The following ERC2 variants were observed in gnomAD, a reference collection of about 807,000 sequenced individuals.
ERC2 encodes ELKS/RAB6-interacting/CAST family member 2, also known as ERC protein 2.
ERC2 carries 42 observed loss-of-function variants against 114.8 expected under a neutral mutation model. That is an observed-to-expected ratio of 0.37 (90% CI 0.29 to 0.47). ERC2 has a LOEUF of 0.47. Among genes scored for constraint, ERC2 ranks in the 20% least tolerant of loss-of-function variants. The pLI, the probability that ERC2 is intolerant of heterozygous loss-of-function variation, is 0.99. For synonymous variants in ERC2, 454 were observed against 425.5 expected, an observed-to-expected ratio of 1.07 and a Z score of -0.82; for missense variants, 939 against 1,150.7, an observed-to-expected ratio of 0.82 and a Z score of 2.66.
rs115539974 is a variant in ERC2 at position 55,648,566 on chromosome 3, C to A, written c.*39+35228G>T. On this transcript the variant is annotated intron_variant, in intron 17 of 17. Coordinates refer to ENST00000288221, the MANE Select transcript of ERC2 (RefSeq NM_015576.3). Reference sequence around the variant, plus strand: ...GCCTCCAAGGGCCACTTGAAAGATACCCAGTCTGCATGGTTGTCCCTGAGC... The same window carrying A: ...GCCTCCAAGGGCCACTTGAAAGATAACCAGTCTGCATGGTTGTCCCTGAGC... Among the ~76,000 whole-genome samples the A allele has an allele frequency of 8.2e-3, 1,254 of 152,222 alleles. 16 individuals are homozygous for A. The highest frequency in any genetic ancestry group is 0.029 in the African/African-American group (1,210 of 41,560).
chr3:55,611,570 T>A (rs1457591283), intron 17 of ERC2, among the ~76,000 whole-genome samples: 1 of 152,178 alleles, frequency 6.6e-6, no homozygotes, highest in African/African-American at 2.4e-5. Context: ...GAGAGGCCTA[T>A]TAGGGGAGTT....
intron 13 of ERC2, among the ~76,000 whole-genome samples, chr3:55,935,590 C>G (rs2066389274): frequency 6.6e-6 from 1 of 152,200 alleles, no homozygotes; most frequent in South Asian, 2.1e-4. Flanking sequence ...TATGGCTTCA[C>G]TTAGAGAACC....
In ERC2 at chr3:55,952,411, G is replaced by C. The variant is rs901202110; in HGVS notation, c.2268-1851C>G. On this transcript the variant is annotated intron_variant, in intron 12 of 17. Coordinates refer to ENST00000288221, the MANE Select transcript of ERC2 (RefSeq NM_015576.3). Reference sequence around the variant, plus strand: ...CAACATACACACGTGAAGCCACCAAGTCAAACTTGCATGCTAATCCACTTT... The same window carrying C: ...CAACATACACACGTGAAGCCACCAACTCAAACTTGCATGCTAATCCACTTT... 2.6e-5 allele frequency among the ~76,000 whole-genome samples: 4 copies of C among 151,956 alleles called. No homozygotes were observed. The South Asian group carries it at 6.3e-4, about 24-fold the overall frequency.
At chr3:56,437,087 A>T (rs879339240) in intron 1 of ERC2, among the ~76,000 whole-genome samples, 5 of 152,192 alleles carry the variant, frequency 3.3e-5, no homozygotes, top group Non-Finnish European at 5.9e-5. Context: ...CAGTCATGTG[A>T]CTTTATTTGT....
At chr3:55,908,064 C>T (rs1294207381) in intron 13 of ERC2, among the ~76,000 whole-genome samples, 1 of 152,094 alleles carries the variant, frequency 6.6e-6, no homozygotes, top group Non-Finnish European at 1.5e-5. Context: ...AACTCAAAGG[C>T]TGGTAGGGCG....
chr3:55,679,281 C>T (rs536059176), intron 17 of ERC2, among the ~76,000 whole-genome samples: 3 of 152,296 alleles, frequency 2.0e-5, no homozygotes, highest in South Asian at 2.1e-4. Flanking sequence ...GCATGCCTCC[C>T]GGGACCACCT....
At chr3:56,268,186 T>C (rs2053445071) in intron 3 of ERC2, among the ~76,000 whole-genome samples, 1 of 152,206 alleles carries the variant, frequency 6.6e-6, no homozygotes, top group African/African-American at 2.4e-5. Flanking sequence ...AATATTTAGA[T>C]ACACCATTGC....
intron 14 of ERC2, among the ~76,000 whole-genome samples, chr3:55,788,232 A>C (rs2069669534): frequency 6.6e-6 from 1 of 152,188 alleles, no homozygotes; most frequent in Non-Finnish European, 1.5e-5. Flanking sequence ...GTAGATCTAC[A>C]TGTCTGACTT....
chr3:55,705,680 T>C (rs1190733826), intron 15 of ERC2, among the ~76,000 whole-genome samples: 1 of 151,998 alleles, frequency 6.6e-6, no homozygotes, highest in East Asian at 1.9e-4. Flanking sequence ...TCTCCCCAAA[T>C]TCATTCAGCT....
intron 8 of ERC2, among the ~76,000 whole-genome samples, chr3:56,014,513 G>A (rs747614215): frequency 1.3e-5 from 2 of 152,134 alleles, no homozygotes; most frequent in Non-Finnish European, 2.9e-5. Flanking sequence ...GGCTTGCCCA[G>A]GTGATGCAAC....
Position 56,246,237 on chromosome 3 carries a change from C to T in ERC2, c.1074+49782G>A, listed in dbSNP as rs569475408. Among the ~76,000 whole-genome samples the T allele has an allele frequency of 8.5e-5, 13 of 152,192 alleles. No individual in the cohort carries two copies. The South Asian group carries it at 1.0e-3, about 12-fold the overall frequency. On this transcript the variant is annotated intron_variant, in intron 3 of 17. Coordinates refer to ENST00000288221, the MANE Select transcript of ERC2 (RefSeq NM_015576.3). The stretch of plus-strand genomic sequence containing the variant: ...GCTCTAAATAAGGATTTCCCAACCT[C>T]GACATCATTGACATTAGAGACCAGA...
At position 56,079,386 on chromosome 3, in the gene ERC2, A is replaced by T. The variant is rs923127; in HGVS notation, c.1641+1431T>A. On this transcript the variant is annotated intron_variant, in intron 7 of 17. Coordinates refer to ENST00000288221, the MANE Select transcript of ERC2 (RefSeq NM_015576.3). ...TGGGCAGCACGGGTTCAGAATGAGA[A>T]TGTCCCCATAAAAGCTACAGTAAAT... Among the ~76,000 whole-genome samples the T allele has an allele frequency of 4.5e-3, 678 of 152,132 alleles. 11 individuals are homozygous for T. Among genetic ancestry groups the T allele is most frequent in the African/African-American group, 0.016 (651 of 41,508 alleles).
At chr3:56,256,682 C>T (rs2052537394) in intron 3 of ERC2, among the ~76,000 whole-genome samples, 1 of 152,002 alleles carries the variant, frequency 6.6e-6, no homozygotes, top group African/African-American at 2.4e-5. Flanking sequence ...ACCTGTAATC[C>T]CCATGTGTTG....
At chr3:56,171,344 G>A (rs974232375) in intron 4 of ERC2, among the ~76,000 whole-genome samples, 1 of 152,146 alleles carries the variant, frequency 6.6e-6, no homozygotes, top group African/African-American at 2.4e-5. Flanking sequence ...CTCAATTTAG[G>A]TATGTTGAGG....
At chr3:56,183,717 T>C (rs905098279) in intron 3 of ERC2, among the ~76,000 whole-genome samples, 2 of 152,118 alleles carry the variant, frequency 1.3e-5, no homozygotes, top group Non-Finnish European at 2.9e-5. Context: ...TATGTTCTAG[T>C]GCATGCATTC....
intron 14 of ERC2, among the ~76,000 whole-genome samples, chr3:55,849,533 C>T (rs1439292771): frequency 6.6e-6 from 1 of 152,162 alleles, no homozygotes; most frequent in Non-Finnish European, 1.5e-5. Context: ...ATTCAACTCC[C>T]TGCCTTCTCT....
chr3:56,048,946 T>C (rs1301950752), intron 7 of ERC2, among the ~76,000 whole-genome samples: 1 of 152,136 alleles, frequency 6.6e-6, no homozygotes, highest in Non-Finnish European at 1.5e-5. Flanking sequence ...CGAAGACCTC[T>C]TGGAGGAGGT....
intron 1 of ERC2, among the ~76,000 whole-genome samples, chr3:56,463,238 CA>C (rs201895351): frequency 6.7e-5 from 10 of 149,772 alleles, no homozygotes; most frequent in Non-Finnish European, 1.0e-4. Context: ...CAAAAGCAAA[CA>C]AAAAAAAACA....
chr3:55,947,167 G>T, intron 13 of ERC2, among the ~76,000 whole-genome samples: 1 of 151,994 alleles, frequency 6.6e-6, no homozygotes, highest in South Asian at 2.1e-4. Context: ...CATCACCCTA[G>T]GCCCACCTTT....
Sources: allele counts gnomAD v4.1 joint callset (sites outside exome capture counted in the v4.1 genomes callset), GRCh38; gene constraint gnomAD v4.1.1; transcripts MANE v1.5; gene names NCBI Gene and HGNC (gene_info 2026-07-23, HGNC 2026-07-21).